The following ADAMTSL1 variants were observed in gnomAD, a reference collection of about 807,000 sequenced individuals.
ADAMTSL1 encodes ADAMTS-like protein 1.
Under a neutral mutation model 201.8 loss-of-function variants are expected in ADAMTSL1, and 126 were observed. The observed-to-expected ratio is 0.62, with a 90% CI of 0.54 to 0.72. ADAMTSL1 has a LOEUF of 0.72. Among genes scored for constraint, ADAMTSL1 ranks in the 30% least tolerant of loss-of-function variants. ADAMTSL1 has a pLI of 0.00. For missense variants in ADAMTSL1, 2,679 were observed against 2,277.8 expected (o/e 1.18, Z -3.59); for synonymous variants, 1,121 against 903.4 (o/e 1.24, Z -4.32).
intron 2 of ADAMTSL1, among the ~76,000 whole-genome samples, chr9:18,244,800 C>G (rs1237801142): frequency 6.6e-6 from 1 of 152,160 alleles, no homozygotes; most frequent in Non-Finnish European, 1.5e-5. Flanking sequence ...CTCTCCCTCT[C>G]TCCTCTCTTA....
At chr9:18,617,100 T>C (rs1785090159) in intron 4 of ADAMTSL1, among the ~76,000 whole-genome samples, 1 of 152,230 alleles carries the variant, frequency 6.6e-6, no homozygotes, top group South Asian at 2.1e-4. Flanking sequence ...TACCTCATGA[T>C]GTTGGATCAA....
intron 1 of ADAMTSL1, among the ~76,000 whole-genome samples, chr9:18,014,896 A>G (rs950009137): frequency 1.3e-5 from 2 of 151,972 alleles, no homozygotes; most frequent in African/African-American, 4.8e-5. Flanking sequence ...CCCCTTCTCT[A>G]TTGACATTTG....
intron 2 of ADAMTSL1, among the ~76,000 whole-genome samples, chr9:18,322,381 C>T (rs1326540702): frequency 6.6e-6 from 1 of 151,998 alleles, no homozygotes; most frequent in East Asian, 1.9e-4. Context: ...ACCTGTAATC[C>T]CAGCACTTTG....
At chr9:18,160,334 T>C (rs1036717609) in intron 1 of ADAMTSL1, among the ~76,000 whole-genome samples, 4 of 152,018 alleles carry the variant, frequency 2.6e-5, no homozygotes, top group East Asian at 3.9e-4. Context: ...AGGTGTTCCT[T>C]ACCCTATTCC....
chr9:18,447,350 G>C (rs986709225), intron 2 of ADAMTSL1, among the ~76,000 whole-genome samples: 6 of 152,152 alleles, frequency 3.9e-5, no homozygotes, highest in African/African-American at 1.2e-4. Flanking sequence ...GTTTGGTTTG[G>C]TGCTTGCTTT....
chr9:18,398,405 G>A (rs537917512), intron 2 of ADAMTSL1, among the ~76,000 whole-genome samples: 4 of 152,104 alleles, frequency 2.6e-5, no homozygotes, highest in Non-Finnish European at 5.9e-5. Flanking sequence ...TTCTACTTTA[G>A]TCTAGATCAG....
chr9:18,357,762 A>C (rs538177827), intron 2 of ADAMTSL1, among the ~76,000 whole-genome samples: 1 of 152,232 alleles, frequency 6.6e-6, no homozygotes, highest in East Asian at 1.9e-4. Flanking sequence ...TCCATAACCT[A>C]GAATTGGAAA....
chr9:18,611,409 G>A (rs1209103794), intron 4 of ADAMTSL1, among the ~76,000 whole-genome samples: 1 of 152,144 alleles, frequency 6.6e-6, no homozygotes, highest in Non-Finnish European at 1.5e-5. Flanking sequence ...GAATTGTAGT[G>A]TCTGTATGCA....
intron 2 of ADAMTSL1, among the ~76,000 whole-genome samples, chr9:18,383,136 C>G (rs1211260465): frequency 2.6e-5 from 4 of 152,216 alleles, no homozygotes; most frequent in Middle Eastern, 6.8e-3. Flanking sequence ...CTTTCCTAAT[C>G]TATTAATTCT....
intron 1 of ADAMTSL1, among the ~76,000 whole-genome samples, chr9:17,963,834 C>T (rs1383722922): frequency 6.6e-6 from 1 of 152,070 alleles, no homozygotes; most frequent in African/African-American, 2.4e-5. Flanking sequence ...ACCCCATCTC[C>T]TCATTTTACT....
intron 10 of ADAMTSL1, among the ~76,000 whole-genome samples, chr9:18,678,654 A>G (rs1830265996): frequency 6.6e-6 from 1 of 152,196 alleles, no homozygotes. Context: ...AGTACCAATT[A>G]GAAAATGTGC....
At chr9:17,985,098 C>G (rs1818868531) in intron 1 of ADAMTSL1, among the ~76,000 whole-genome samples, 1 of 152,118 alleles carries the variant, frequency 6.6e-6, no homozygotes, top group Non-Finnish European at 1.5e-5. Context: ...AGTACCGTCA[C>G]TCTTTTAATT....
chr9:18,312,505 C>T (rs1834195112), intron 2 of ADAMTSL1, among the ~76,000 whole-genome samples: 1 of 152,162 alleles, frequency 6.6e-6, no homozygotes, highest in African/African-American at 2.4e-5. Flanking sequence ...ACTTGAGTTG[C>T]TTTTGCCTGG....
At chr9:18,470,705 G>A (rs748482246), upstream of ADAMTSL1, among the ~76,000 whole-genome samples, 9 of 152,148 alleles carry the variant, frequency 5.9e-5, no homozygotes, top group Non-Finnish European at 1.2e-4. Context: ...AATACCGAAA[G>A]TTTAGCTCAC....
chr9:18,283,768 C>A (rs946789998), intron 2 of ADAMTSL1, among the ~76,000 whole-genome samples: 3 of 149,302 alleles, frequency 2.0e-5, no homozygotes, highest in African/African-American at 7.4e-5. Context: ...AAAAATTAGC[C>A]AGGCATGGTG....
intron 1 of ADAMTSL1, among the ~76,000 whole-genome samples, chr9:18,028,968 G>A (rs916716927): frequency 6.6e-6 from 1 of 152,086 alleles, no homozygotes; most frequent in Admixed American, 6.5e-5. Flanking sequence ...CCTTGAAGAG[G>A]TCCTTCACAT....
chr9:18,462,173 T>C (rs994112362), intron 2 of ADAMTSL1, among the ~76,000 whole-genome samples: 3 of 152,196 alleles, frequency 2.0e-5, no homozygotes, highest in African/African-American at 7.2e-5. Context: ...AGAATATAGG[T>C]CTACATTTTA....
intron 19 of ADAMTSL1, among the ~76,000 whole-genome samples, chr9:18,793,682 C>T (rs952763236): frequency 7.2e-5 from 11 of 152,090 alleles, no homozygotes; most frequent in Non-Finnish European, 1.6e-4. Flanking sequence ...CTTCAGGATC[C>T]CCAAAACTGG....
In ADAMTSL1 at chr9:18,844,091, T is replaced by A. The variant is rs1266537916; in HGVS notation, c.4249+14114T>A. Among the ~76,000 whole-genome samples, 12 of 152,370 alleles carry A rather than the reference T, an allele frequency of 7.9e-5. No individual in the cohort carries two copies. The East Asian group carries it at 1.9e-3, about 24-fold the overall frequency. On this transcript the variant is annotated intron_variant, in intron 23 of 28. Transcript: ENST00000380548. ...CATTGCTGGTGAGGAGCTGTGTTCCTTTGGATGAGGAGAGGTGCTCTGTTT... is the reference window on the plus strand; with the variant it reads ...CATTGCTGGTGAGGAGCTGTGTTCCATTGGATGAGGAGAGGTGCTCTGTTT...
Sources: allele counts gnomAD v4.1 joint callset (sites outside exome capture counted in the v4.1 genomes callset), GRCh38; gene constraint gnomAD v4.1.1; transcripts MANE v1.5; gene names NCBI Gene and HGNC (gene_info 2026-07-23, HGNC 2026-07-21).